Variants in PIK3C2G observed in about 807,000 individuals in gnomAD.
PIK3C2G encodes the protein phosphatidylinositol 3-kinase C2 domain-containing subunit gamma.
Under a neutral mutation model 181.1 loss-of-function variants are expected in PIK3C2G, and 168 were observed. The ratio of observed to expected loss-of-function variants is 0.93; its 90% CI spans 0.82 to 1.05. The LOEUF (loss-of-function observed/expected upper bound fraction) is 1.05. Ranked by LOEUF, PIK3C2G falls within the 50% of genes least tolerant of loss-of-function variation. PIK3C2G has a pLI of 0.00. For synonymous variants in PIK3C2G, 573 were observed against 592.2 expected (o/e 0.97, Z 0.47); for missense variants, 1,869 against 1,732.8 (o/e 1.08, Z -1.40).
At position 18,419,652 on chromosome 12, in the gene PIK3C2G, G is replaced by C. The variant is rs184081043; in HGVS notation, c.2316-1289G>C. Among the ~76,000 whole-genome samples, 363 of 152,226 alleles carry C rather than the reference G, an allele frequency of 2.4e-3. 2 individuals carry two copies. Among genetic ancestry groups the C allele is most frequent in the Non-Finnish European group, 3.9e-3 (268 of 68,020 alleles). On this transcript the variant is annotated intron_variant, in intron 16 of 32. Transcript: ENST00000538779. ...TGGACCGCAGTTCTCAGTAGGTCTC[G>C]TTGCTAGAATGTTCAACAGGAGAAA...
At chr12:18,653,270 T>C (rs930195708), downstream of PIK3C2G, among the ~76,000 whole-genome samples, 6 of 152,106 alleles carry the variant, frequency 3.9e-5, no homozygotes, top group Non-Finnish European at 8.8e-5. Context: ...ATATTACCCA[T>C]GCCAAAAGTG....
intron 26 of PIK3C2G, among the ~76,000 whole-genome samples, chr12:18,549,912 T>C (rs1944634419): frequency 6.6e-6 from 1 of 151,730 alleles, no homozygotes; most frequent in Non-Finnish European, 1.5e-5. Context: ...CATTCCACAA[T>C]GCCATGAGCC....
chr12:18,272,742 A>T (rs1948796832), intron 1 of PIK3C2G, among the ~76,000 whole-genome samples: 1 of 152,180 alleles, frequency 6.6e-6, no homozygotes, highest in Non-Finnish European at 1.5e-5. Context: ...GTTAGCTCAC[A>T]GGTTCTATTG....
chr12:18,643,687 C>T (rs1023826630), intron 32 of PIK3C2G, among the ~76,000 whole-genome samples: 1 of 151,804 alleles, frequency 6.6e-6, no homozygotes. Context: ...TCAAACTCCT[C>T]GATCACTTGT....
chr12:18,611,989 T>C (rs932371179), intron 31 of PIK3C2G, among the ~76,000 whole-genome samples: 12 of 152,208 alleles, frequency 7.9e-5, no homozygotes, highest in Admixed American at 1.3e-4. Flanking sequence ...TCTCTTCATA[T>C]CCCTTTGCGG....
chr12:18,414,023 T>C (rs1945023087), intron 16 of PIK3C2G, among the ~76,000 whole-genome samples: 1 of 152,108 alleles, frequency 6.6e-6, no homozygotes, highest in Admixed American at 6.6e-5. Flanking sequence ...GTGGAACATA[T>C]TTGTCCATCG....
downstream of PIK3C2G, among the ~76,000 whole-genome samples, chr12:18,649,632 G>A (rs1247120346): frequency 6.6e-6 from 1 of 151,972 alleles, no homozygotes; most frequent in Non-Finnish European, 1.5e-5. Flanking sequence ...TTTTCTCTTA[G>A]AGCCATTACA....
downstream of PIK3C2G, among the ~76,000 whole-genome samples, chr12:18,650,327 C>CTATATATA (rs1193529296): frequency 7.5e-5 from 6 of 79,758 alleles, no homozygotes; most frequent in Non-Finnish European, 1.2e-4. Context: ...CTCTCTCTCT[C>CTATATATA]TCTCTATATA....
intron 11 of PIK3C2G, among the ~76,000 whole-genome samples, chr12:18,354,423 G>T (rs74070248): frequency 0.015 from 2,253 of 152,304 alleles, 67 homozygotes; most frequent in African/African-American, 0.052. Context: ...TGTCTCTGGG[G>T]TTTGTTTCTT....
At chr12:18,429,895 A>G (rs1946057416) in intron 18 of PIK3C2G, among the ~76,000 whole-genome samples, 3 of 152,176 alleles carry the variant, frequency 2.0e-5, no homozygotes, top group Admixed American at 2.0e-4. Flanking sequence ...TCTCTGGAGA[A>G]TTAGCCTCTG....
chr12:18,478,986 AAT>A (rs1555092913), intron 18 of PIK3C2G, among the ~76,000 whole-genome samples: 8 of 146,610 alleles, frequency 5.5e-5, no homozygotes, highest in East Asian at 2.0e-4. Context: ...AAAAAAAAAA[AAT>A]ATATATATAT....
chr12:18,650,313 C>G (rs1247174487), downstream of PIK3C2G, among the ~76,000 whole-genome samples: 3 of 100,962 alleles, frequency 3.0e-5, no homozygotes, highest in African/African-American at 1.5e-4. Context: ...CTCTCTCTCT[C>G]TCTCTCTCTC....
intron 5 of PIK3C2G, among the ~76,000 whole-genome samples, chr12:18,306,789 G>A (rs1007353882): frequency 4.6e-5 from 7 of 151,880 alleles, no homozygotes; most frequent in Non-Finnish European, 1.0e-4. Context: ...CTTAGTTACT[G>A]AATTTTCTTA....
At chr12:18,422,636 T>G (rs923859196) in intron 17 of PIK3C2G, among the ~76,000 whole-genome samples, 1 of 151,892 alleles carries the variant, frequency 6.6e-6, no homozygotes, top group Admixed American at 6.6e-5. Context: ...ACATTCTAGA[T>G]GGTCAGGCGG....
chr12:18,362,882 G>A lies in PIK3C2G; in HGVS notation c.1744G>A (p.Glu582Lys). The change falls in exon 12 of 33, where the codon GAA (glutamate) becomes AAA (lysine). Residue 582 changes from glutamate to lysine, a missense_variant. Physicochemically the swap from Glu to Lys is moderately conservative, Grantham distance 56. Transcript: ENST00000538779. ...ATTTTTTTTCTTGGTCAACTGGAAT[G>A]AAACGTAAGTTTAATCTTTACTGTA... is the stretch of plus-strand genomic sequence containing the variant. ...KLFFFLVNWN[E>K]TINFPLEIKS... The A allele has an allele frequency of 6.7e-7, 1 of 1,499,388 alleles. No individual in the cohort carries two copies. The allele number at this position is 1,499,388 out of a possible 1,614,324, so 92.9% of individuals were successfully genotyped here.
At chr12:18,579,514 A>G (rs1946387476) in intron 29 of PIK3C2G, among the ~76,000 whole-genome samples, 2 of 152,028 alleles carry the variant, frequency 1.3e-5, no homozygotes, top group African/African-American at 4.8e-5. Context: ...GGATGCCTAT[A>G]AATCTCTGAG....
intron 18 of PIK3C2G, among the ~76,000 whole-genome samples, chr12:18,428,123 G>A (rs1457263238): frequency 1.3e-5 from 2 of 151,654 alleles, no homozygotes; most frequent in Non-Finnish European, 2.9e-5. Context: ...TAAAAATTAA[G>A]AATCAGGCAA....
chr12:18,686,337 A>T, the PIK3C2G span, among the ~76,000 whole-genome samples: 1 of 152,094 alleles, frequency 6.6e-6, no homozygotes, highest in African/African-American at 2.4e-5. Context: ...TCTAGAAAAA[A>T]GAAAGTTCCT....
At chr12:18,361,078 T>TTTGTTATTG (rs1181651349) in intron 11 of PIK3C2G, among the ~76,000 whole-genome samples, 1 of 151,878 alleles carries the variant, frequency 6.6e-6, no homozygotes, top group Non-Finnish European at 1.5e-5. Flanking sequence ...TTGTGGGGTT[T>TTTGTTATTG]TTGTTATTGT....
Sources: gnomAD v4.1 joint callset for allele counts (sites outside exome capture counted in the v4.1 genomes callset) on GRCh38, gnomAD v4.1.1 for gene constraint, MANE v1.5 for transcripts, NCBI Gene and HGNC (gene_info 2026-07-23, HGNC 2026-07-21) for gene names.